The following RGS20 variants were observed in gnomAD, a reference collection of about 807,000 sequenced individuals.
The protein encoded by RGS20 is gz-selective GTPase-activating protein.
In RGS20, 30 loss-of-function variants were observed where a neutral mutation model predicts 33.6. The ratio of observed to expected loss-of-function variants is 0.89; its 90% CI spans 0.67 to 1.21. RGS20 has a LOEUF of 1.21. Among genes scored for constraint, RGS20 ranks in the 50% most tolerant of loss-of-function variants. The pLI is 0.00. For synonymous variants in RGS20, 208 were observed against 197.9 expected (o/e 1.05, Z -0.43); for missense variants, 472 against 502.4 (o/e 0.94, Z 0.58).
In RGS20 at chr8:53,925,444, C is replaced by T. The variant is rs372135010; in HGVS notation, c.511-14132C>T. On this transcript the variant is annotated intron_variant, in intron 2 of 5. Coordinates refer to ENST00000297313, the MANE Select transcript of RGS20 (RefSeq NM_170587.4). ...ATGGTGAGGCCTGTGGCAGGGTTCC[C>T]AGCAGGGCAAGATTCTGTGCAGGAA... Among the ~76,000 whole-genome samples, 6 of 152,072 alleles carry T rather than the reference C, an allele frequency of 3.9e-5. No homozygotes were observed. The East Asian group carries it at 9.6e-4, about 24-fold the overall frequency.
At chr8:53,867,479 A>G (rs887689923) in intron 1 of RGS20, among the ~76,000 whole-genome samples, 2 of 152,134 alleles carry the variant, frequency 1.3e-5, no homozygotes, top group Admixed American at 6.6e-5. Flanking sequence ...TCTGTACTCC[A>G]TGGATTTAAT....
At chr8:53,857,430 A>G (rs1275291459) in intron 1 of RGS20, among the ~76,000 whole-genome samples, 1 of 152,204 alleles carries the variant, frequency 6.6e-6, no homozygotes, top group Non-Finnish European at 1.5e-5. Flanking sequence ...AAGTGAAAAA[A>G]GGTCTTCAAT....
At chr8:53,864,322 T>C (rs1035704233) in intron 1 of RGS20, among the ~76,000 whole-genome samples, 1 of 150,798 alleles carries the variant, frequency 6.6e-6, no homozygotes, top group African/African-American at 2.4e-5. Context: ...TAATCCCAGC[T>C]ACTCGGGAGG....
At position 53,944,727 on chromosome 8, in the gene RGS20, G is replaced by A. The variant is rs1814421432; in HGVS notation, c.660-1938G>A. Among the ~76,000 whole-genome samples, 5 of 152,102 alleles carry A rather than the reference G, an allele frequency of 3.3e-5. No individual in the cohort carries two copies. The South Asian group carries it at 1.0e-3, about 32-fold the overall frequency. On this transcript the variant is annotated intron_variant, in intron 3 of 5. Transcript: ENST00000297313. ...AAAATTATCATTAAAATAATACTCT[G>A]TAGGCTTCAGGTCTTAAAATGAAGA... is the stretch of plus-strand genomic sequence containing the variant.
rs1290562469 is a variant in RGS20 at position 53,947,506 on chromosome 8, T to C, written c.743+758T>C. 2.2e-5 allele frequency among the ~76,000 whole-genome samples: 3 copies of C among 139,042 alleles called. No individual in the cohort carries two copies. In the Admixed American group the frequency reaches 2.3e-4, roughly 11 times the overall value. The allele number at this position is 139,042 out of a possible 152,430, so 91.2% of individuals were successfully genotyped here. A position where few individuals can be genotyped will look rare whatever the true frequency, so the allele number is the denominator to read the frequency against. ...TTTATATATGCTATATAGGATATAG[T>C]ATATACATTTATATATGCTATATAG... On this transcript the variant is annotated intron_variant, in intron 4 of 5. Coordinates refer to ENST00000297313, the MANE Select transcript of RGS20 (RefSeq NM_170587.4).
intron 2 of RGS20, among the ~76,000 whole-genome samples, chr8:53,885,324 A>G (rs931444733): frequency 3.9e-5 from 6 of 152,320 alleles, no homozygotes; most frequent in African/African-American, 1.4e-4. Flanking sequence ...TAAGAATTAT[A>G]CAGCAGAGGC....
intron 1 of RGS20, among the ~76,000 whole-genome samples, chr8:53,878,254 A>C (rs1456397711): frequency 6.6e-6 from 1 of 152,186 alleles, no homozygotes; most frequent in Non-Finnish European, 1.5e-5. Flanking sequence ...CAAGAAACTA[A>C]GAGCGTCTCA....
At chr8:53,872,678 A>G (rs970392541) in intron 1 of RGS20, among the ~76,000 whole-genome samples, 1 of 152,152 alleles carries the variant, frequency 6.6e-6, no homozygotes, top group Non-Finnish European at 1.5e-5. Context: ...AGACTAGGCA[A>G]TGTCTCTCTT....
At chr8:53,861,578 TTCTGTGAGTTGTATTTAAGGCTTTCA>T (rs1356863234) in intron 1 of RGS20, among the ~76,000 whole-genome samples, 1 of 152,246 alleles carries the variant, frequency 6.6e-6, no homozygotes. Context: ...CTGTCTCTGC[TTCTGTGAGTTGTATTTAAGGCTTTCA>T]TCTGTGACCA....
intron 1 of RGS20, among the ~76,000 whole-genome samples, chr8:53,869,143 T>C (rs897430723): frequency 3.3e-5 from 5 of 152,240 alleles, no homozygotes; most frequent in Admixed American, 2.0e-4. Flanking sequence ...AATTTTCTGA[T>C]ATCAAATGTA....
intron 2 of RGS20, among the ~76,000 whole-genome samples, chr8:53,920,470 G>T (rs1303879502): frequency 2.0e-5 from 3 of 151,994 alleles, no homozygotes; most frequent in African/African-American, 7.2e-5. Context: ...CATGTCATTT[G>T]CAAATAGAGA....
chr8:53,925,461 G>A, intron 2 of RGS20, among the ~76,000 whole-genome samples: 1 of 152,156 alleles, frequency 6.6e-6, no homozygotes, highest in Non-Finnish European at 1.5e-5. Context: ...GCAAGATTCT[G>A]TGCAGGAAAA....
intron 2 of RGS20, among the ~76,000 whole-genome samples, chr8:53,893,044 C>T (rs1335365666): frequency 2.0e-5 from 3 of 152,098 alleles, no homozygotes; most frequent in Non-Finnish European, 4.4e-5. Flanking sequence ...AGAATAGTCA[C>T]TCTCAGTAAA....
chr8:53,936,491 G>C (rs10099151), intron 2 of RGS20, among the ~76,000 whole-genome samples: 59,350 of 151,830 alleles, frequency 0.39, 14,259 homozygotes, highest in African/African-American at 0.69. Context: ...AGTGAACTCC[G>C]ATTCACAATT....
At chr8:53,935,301 A>G (rs955257442) in intron 2 of RGS20, among the ~76,000 whole-genome samples, 7 of 152,310 alleles carry the variant, frequency 4.6e-5, no homozygotes, top group Admixed American at 4.6e-4. Context: ...CCTTCAAAAA[A>G]TCAATGAATC....
intron 2 of RGS20, among the ~76,000 whole-genome samples, chr8:53,904,363 C>T (rs1236596850): frequency 6.6e-6 from 1 of 152,146 alleles, no homozygotes; most frequent in South Asian, 2.1e-4. Context: ...AACTCCTGAC[C>T]TCAAGTGATC....
At chr8:53,881,583 G>C (rs937289097) in intron 2 of RGS20, among the ~76,000 whole-genome samples, 5 of 152,074 alleles carry the variant, frequency 3.3e-5, no homozygotes, top group South Asian at 4.1e-4. Context: ...TGGAATCGTA[G>C]CGCCTCCTTT....
intron 2 of RGS20, among the ~76,000 whole-genome samples, chr8:53,931,442 C>A (rs1280256435): frequency 1.3e-5 from 2 of 152,128 alleles, no homozygotes; most frequent in Admixed American, 1.3e-4. Flanking sequence ...GTAATCCCAG[C>A]TACTCAGGAG....
intron 2 of RGS20, among the ~76,000 whole-genome samples, chr8:53,931,664 G>C (rs961697647): frequency 2.0e-5 from 3 of 152,202 alleles, no homozygotes; most frequent in African/African-American, 7.2e-5. Flanking sequence ...GATCAATGCA[G>C]AAGGTGGGTG....
Sources: gnomAD v4.1 joint callset for allele counts (sites outside exome capture counted in the v4.1 genomes callset) on GRCh38, gnomAD v4.1.1 for gene constraint, MANE v1.5 for transcripts, NCBI Gene and HGNC (gene_info 2026-07-23, HGNC 2026-07-21) for gene names.